The following SCARA3 variants were observed in gnomAD, a reference collection of about 807,000 sequenced individuals.
SCARA3 encodes the protein cellular stress response gene protein.
SCARA3 carries 39 observed loss-of-function variants against 47.0 expected under a neutral mutation model. That is an observed-to-expected ratio of 0.83 (90% CI 0.64 to 1.08). SCARA3 has a LOEUF of 1.08. SCARA3 is among the 50% of genes least tolerant of loss of function. The pLI is 0.00. For missense variants in SCARA3, 724 were observed against 792.3 expected, an observed-to-expected ratio of 0.91 and a Z score of 1.04; for synonymous variants, 356 against 334.1, an observed-to-expected ratio of 1.07 and a Z score of -0.71.
At chr8:27,649,859 TC>T in intron 2 of SCARA3, 59 bp downstream of exon 2, 2 of 1,405,540 alleles carry the variant, frequency 1.4e-6, no homozygotes, top group South Asian at 1.3e-5. Context: ...CCTGTCTCCA[TC>T]CCCAGGCCAG....
rs765114439 is a variant in SCARA3 at position 27,659,334 on chromosome 8, C to G, written c.1164C>G (p.Gly388=). The G allele has an allele frequency of 1.9e-6, 3 of 1,614,174 alleles. No individual in the cohort carries two copies. The South Asian group carries it at 3.3e-5, about 18-fold the overall frequency. Residue 388 remains glycine, a synonymous_variant, in exon 5 of 6, where the codon GGC becomes GGG. Transcript: ENST00000301904. ...LDDVRLSCTL[G]FHTHAEELYY... is the part of the protein sequence containing the mutation. ...ACGTGCGGCTCTCCTGCACGCTGGG[C>G]TTCCACACCCATGCCGAGGAGCTCT...
intron 1 of SCARA3, among the ~76,000 whole-genome samples, chr8:27,647,119 A>C (rs1019752543): frequency 3.9e-5 from 6 of 152,160 alleles, no homozygotes; most frequent in Middle Eastern, 3.4e-3. Context: ...CACACCACAC[A>C]TACACAGGTA....
Position 27,672,999 on chromosome 8 carries a change from G to C in SCARA3, c.*1648G>C, listed in dbSNP as rs750760314. 1.7e-5 allele frequency: 17 copies of C among 985,396 alleles called. No individual in the cohort carries two copies. Among genetic ancestry groups the C allele is most frequent in the Non-Finnish European group, 2.0e-5 (17 of 829,874 alleles). 61.0% of individuals were successfully genotyped at this position (985,396 alleles called of 1,614,324 possible). A position where few individuals can be genotyped will look rare whatever the true frequency, so the allele number is the denominator to read the frequency against. ...CATTCTGCATAGTATTACTGACTCA[G>C]TAAAGAGCTATTTCCAGGAGTGAGG... On this transcript the variant is annotated 3_prime_UTR_variant, in exon 6 of 6. Coordinates refer to ENST00000301904, the MANE Select transcript of SCARA3 (RefSeq NM_016240.3).
the SCARA3 span, among the ~76,000 whole-genome samples, chr8:27,687,087 T>A: frequency 6.6e-6 from 1 of 152,228 alleles, no homozygotes; most frequent in African/African-American, 2.4e-5. Context: ...GACTCAGGTC[T>A]GTCCAATGAT....
Position 27,672,391 on chromosome 8 carries a change from C to T in SCARA3, c.*1040C>T. The T allele has an allele frequency of 1.0e-6, 1 of 985,550 alleles. No homozygotes were observed. Among genetic ancestry groups the T allele is most frequent in the Non-Finnish European group, 1.2e-6 (1 of 830,026 alleles). The allele number at this position is 985,550 out of a possible 1,614,324, so 61.1% of individuals were successfully genotyped here. Reference sequence around the variant, plus strand: ...GAGGCAGGCCAGAAGGTTCTCTCTGCACAGCTGCCTCCCTTGCTCTCCCTG... The same window carrying T: ...GAGGCAGGCCAGAAGGTTCTCTCTGTACAGCTGCCTCCCTTGCTCTCCCTG... On this transcript the variant is annotated 3_prime_UTR_variant, in exon 6 of 6. Coordinates refer to ENST00000301904, the MANE Select transcript of SCARA3 (RefSeq NM_016240.3).
chr8:27,660,849 G>GCT (rs1479208598), intron 5 of SCARA3, among the ~76,000 whole-genome samples: 8 of 92,718 alleles, frequency 8.6e-5, no homozygotes, highest in African/African-American at 2.6e-4. Context: ...TAGCTAGATA[G>GCT]ATAGATAGAT....
the SCARA3 span, among the ~76,000 whole-genome samples, chr8:27,698,756 C>G: frequency 6.6e-6 from 1 of 151,784 alleles, no homozygotes; most frequent in African/African-American, 2.4e-5. Flanking sequence ...AATCATTTAG[C>G]AACAGCATAA....
intron 3 of SCARA3, among the ~76,000 whole-genome samples, chr8:27,654,880 G>C (rs999770957): frequency 1.3e-5 from 2 of 152,178 alleles, no homozygotes; most frequent in African/African-American, 4.8e-5. Flanking sequence ...TGTTGGCTTG[G>C]AAGTAGAATT....
rs1325089439 is a variant in SCARA3, at chr8:27,658,638, C to G, written c.468C>G (p.Ala156=). 1 of 1,614,116 alleles carries G rather than the reference C, an allele frequency of 6.2e-7. No individual in the cohort carries two copies. Among genetic ancestry groups the G allele is most frequent in the Non-Finnish European group, 8.5e-7 (1 of 1,180,030 alleles). The stretch of plus-strand genomic sequence containing the variant: ...TGCAGCTGGACCAGACCTTACAGGC[C>G]CAGGAGGTGCTCTCCACCACCAGCA... ...QEVQLDQTLQ[A]QEVLSTTSRQ... The change falls in exon 5 of 6, where the codon GCC becomes GCG. Residue 156 remains alanine, a synonymous_variant. Transcript: ENST00000301904.
chr8:27,664,954 C>T (rs1801985240), intron 5 of SCARA3, among the ~76,000 whole-genome samples: 1 of 152,184 alleles, frequency 6.6e-6, no homozygotes, highest in South Asian at 2.1e-4. Flanking sequence ...CAATTGAAAG[C>T]AAATTTCAGG....
chr8:27,718,395 C>T, the SCARA3 span, among the ~76,000 whole-genome samples: 6 of 152,250 alleles, frequency 3.9e-5, no homozygotes, highest in African/African-American at 1.4e-4. Flanking sequence ...TTGAAAAAAA[C>T]AGTCCCCAAA....
chr8:27,714,602 G>T, the SCARA3 span, among the ~76,000 whole-genome samples: 1 of 152,162 alleles, frequency 6.6e-6, no homozygotes, highest in South Asian at 2.1e-4. Flanking sequence ...GACACAGCTA[G>T]GGGAGATAAA....
At chr8:27,686,166 C>T in the SCARA3 span, among the ~76,000 whole-genome samples, 370 of 152,092 alleles carry the variant, frequency 2.4e-3, 2 homozygotes, top group African/African-American at 8.3e-3. Flanking sequence ...TGTTGCTGGG[C>T]GTGGTGGCTC....
At chr8:27,659,879 AGAG>A (rs1801857688) in intron 5 of SCARA3, among the ~76,000 whole-genome samples, 24 of 68,440 alleles carry the variant, frequency 3.5e-4, no homozygotes, top group African/African-American at 7.8e-4. Flanking sequence ...AAAAAAAAAG[AGAG>A]AGAGAGAGAA....
At chr8:27,723,639 C>T in the SCARA3 span, among the ~76,000 whole-genome samples, 1 of 152,312 alleles carries the variant, frequency 6.6e-6, no homozygotes, top group South Asian at 2.1e-4. Flanking sequence ...ACGGACACCC[C>T]AGGTACTGAA....
At chr8:27,697,343 C>T in the SCARA3 span, 1 of 198,278 alleles carries the variant, frequency 5.0e-6, no homozygotes, top group Non-Finnish European at 1.1e-5. Flanking sequence ...GCGTCCCACG[C>T]CTGCATTTCC....
intron 4 of SCARA3, 141 bp downstream of exon 4, chr8:27,657,021 T>G (rs200502714): frequency 3.2e-6 from 2 of 619,976 alleles, no homozygotes; most frequent in Admixed American, 2.7e-5. Context: ...CCCTGCTCCC[T>G]CCCCAGCCGG....
intron 5 of SCARA3, among the ~76,000 whole-genome samples, chr8:27,668,546 C>CAAAAAAAAAAAAAAAAAAA (rs61162841): frequency 1.1e-3 from 74 of 69,706 alleles, no homozygotes; most frequent in African/African-American, 2.0e-3. Context: ...GACTCCGTCT[C>CAAAAAAAAAAAAAAAAAAA]AAAAAAAAAA....
chr8:27,668,267 G>C (rs996310920), intron 5 of SCARA3, among the ~76,000 whole-genome samples: 1 of 152,274 alleles, frequency 6.6e-6, no homozygotes, highest in Non-Finnish European at 1.5e-5. Flanking sequence ...ATAGCCGGGC[G>C]CGGTGGCTCA....
Sources: gnomAD v4.1 joint callset for allele counts (sites outside exome capture counted in the v4.1 genomes callset) on GRCh38, gnomAD v4.1.1 for gene constraint, MANE v1.5 for transcripts, NCBI Gene and HGNC (gene_info 2026-07-23, HGNC 2026-07-21) for gene names.